Variants in ZNF658 observed in about 807,000 individuals in gnomAD.
ZNF658 encodes zinc finger protein 658.
Under a neutral mutation model 78.0 loss-of-function variants are expected in ZNF658, and 46 were observed. That is an observed-to-expected ratio of 0.59 (90% CI 0.47 to 0.75). The LOEUF (loss-of-function observed/expected upper bound fraction) is 0.75. Among genes scored for constraint, ZNF658 ranks in the 30% least tolerant of loss-of-function variants. The pLI is 0.00. For synonymous variants in ZNF658, 279 were observed against 408.4 expected (o/e 0.68, Z 3.82); for missense variants, 785 against 1,189.3 (o/e 0.66, Z 5.00).
At chr9:66,901,732 G>A (rs1233266034) in intron 1 of ZNF658, among the ~76,000 whole-genome samples, 1 of 151,868 alleles carries the variant, frequency 6.6e-6, no homozygotes, top group East Asian at 1.9e-4. Flanking sequence ...ATCACTTGAG[G>A]CCAGGAGTTC....
At chr9:66,907,206 G>T (rs1822099806) in intron 2 of ZNF658, among the ~76,000 whole-genome samples, 1 of 151,994 alleles carries the variant, frequency 6.6e-6, no homozygotes, top group Admixed American at 6.6e-5. Context: ...CACCTAAATT[G>T]CTAGTAACTC....
intron 1 of ZNF658, among the ~76,000 whole-genome samples, chr9:66,901,955 A>C (rs1821962213): frequency 6.6e-6 from 1 of 152,142 alleles, no homozygotes; most frequent in Non-Finnish European, 1.5e-5. Flanking sequence ...AAAGAAAAAA[A>C]AGTTTAGAAT....
intron 4 of ZNF658, among the ~76,000 whole-genome samples, chr9:66,913,131 T>C (rs1043880333): frequency 2.0e-5 from 3 of 150,006 alleles, no homozygotes; most frequent in African/African-American, 7.4e-5. Context: ...CCAGGGTTAA[T>C]GTAGAAGCCT....
chr9:66,911,375 T>C, intron 4 of ZNF658, among the ~76,000 whole-genome samples: 1 of 74,092 alleles, frequency 1.3e-5, no homozygotes, highest in Non-Finnish European at 2.6e-5. Flanking sequence ...TTTTAAACAA[T>C]ATACAAAAAA....
chr9:66,907,282 C>T (rs1272528343), intron 2 of ZNF658, among the ~76,000 whole-genome samples: 9 of 152,164 alleles, frequency 5.9e-5, no homozygotes, highest in East Asian at 1.9e-4. Context: ...CCTGGTTGAA[C>T]GAACAGTTCT....
At chr9:66,902,005 C>T (rs1446404846) in intron 1 of ZNF658, among the ~76,000 whole-genome samples, 1 of 152,142 alleles carries the variant, frequency 6.6e-6, no homozygotes, top group African/African-American at 2.4e-5. Flanking sequence ...CAGGCAAAGT[C>T]AGTTTTACTG....
chr9:66,903,088 T>A, intron 1 of ZNF658: 1 of 172,868 alleles, frequency 5.8e-6, no homozygotes, highest in Non-Finnish European at 1.3e-5. Flanking sequence ...GTACCTGAAC[T>A]TGCTTAATCC....
In ZNF658 at chr9:66,914,182, ACT is replaced by A. The variant is rs200519355; in HGVS notation, c.239-3622_239-3621del. On this transcript the variant is annotated intron_variant, in intron 4 of 4. Transcript: ENST00000621410. ...ACAAAATATCCCTACTGATTTATTT[ACT>A]GTTTCTTTGATTTCTTTCATCAATG... is the stretch of plus-strand genomic sequence containing the variant. Among the ~76,000 whole-genome samples the A allele has an allele frequency of 9.0e-3, 1,369 of 151,418 alleles. 29 individuals are homozygous for A. Among genetic ancestry groups the A allele is most frequent in the African/African-American group, 0.032 (1,308 of 40,954 alleles).
At chr9:66,907,895 C>T (rs1159287117) in intron 2 of ZNF658, among the ~76,000 whole-genome samples, 2 of 151,252 alleles carry the variant, frequency 1.3e-5, no homozygotes, top group East Asian at 1.9e-4. Context: ...TTCCTTAGCC[C>T]CCAGAATTTA....
intron 1 of ZNF658, 176 bp from the exon 2 acceptor site, chr9:66,903,342 C>A: frequency 1.8e-6 from 1 of 542,062 alleles, no homozygotes; most frequent in Non-Finnish European, 3.3e-6. Flanking sequence ...CAGCTGAGTG[C>A]GATGATTTTT....
rs572314371 is a variant in ZNF658 at position 66,909,113 on chromosome 9, C to G, written c.238+379C>G. ...TGCCATTTTGTATCAAGGACTTGGG[C>G]ATTTGTGGATTTTGGTATTTAAGAG... On this transcript the variant is annotated intron_variant, in intron 4 of 4. Transcript: ENST00000621410. Among the ~76,000 whole-genome samples the G allele has an allele frequency of 4.6e-5, 7 of 152,014 alleles. 1 individual carries two copies. The highest frequency in any genetic ancestry group is 3.3e-4 in the Admixed American group (5 of 15,286).
downstream of ZNF658, among the ~76,000 whole-genome samples, chr9:66,921,607 G>T (rs1164478013): frequency 3.3e-5 from 5 of 152,002 alleles, no homozygotes; most frequent in Non-Finnish European, 2.9e-5. Flanking sequence ...AGTTAAAAAT[G>T]GAATAATTTG....
chr9:66,918,759 A>T lies in ZNF658; in HGVS notation c.1193A>T (p.His398Leu), dbSNP rs1464351183. The change falls in exon 5 of 5, where the codon CAC (histidine) becomes CTC (leucine). Residue 398 changes from histidine to leucine, a missense_variant. Around this residue, in one of 12 missense-constraint regions of ZNF658, gnomAD observed 393 missense variants for 400.2 expected, o/e 0.98. Transcript: ENST00000621410. ...KCRKSFYRKA[H>L]LIQHQRPHSG... The stretch of plus-strand genomic sequence containing the variant: ...AGAAAATCCTTTTACCGGAAAGCAC[A>T]CCTCATTCAGCATCAGAGGCCCCAC... The T allele has an allele frequency of 6.2e-7, 1 of 1,613,822 alleles. No homozygotes were observed. The highest frequency in any genetic ancestry group is 8.5e-7 in the Non-Finnish European group (1 of 1,179,866).
intron 4 of ZNF658, among the ~76,000 whole-genome samples, chr9:66,914,901 A>G (rs1295992510): frequency 6.6e-6 from 1 of 152,132 alleles, no homozygotes; most frequent in Non-Finnish European, 1.5e-5. Flanking sequence ...TCTTGCTATG[A>G]GGATGAGGCA....
In ZNF658 at chr9:66,908,277, C is replaced by A. The variant is rs138196680; in HGVS notation, c.55C>A (p.Arg19=). 1.9e-6 allele frequency: 3 copies of A among 1,613,942 alleles called. No homozygotes were observed. The highest frequency in any genetic ancestry group is 3.3e-5 in the Admixed American group (2 of 59,994). The change falls in exon 3 of 5, where the codon CGG becomes AGG. Residue 19 remains arginine (R), a synonymous_variant. Coordinates refer to ENST00000621410, the MANE Select transcript of ZNF658 (RefSeq NM_033160.7). Reference sequence around the variant, plus strand: ...CCAGGACGTGACTGTGGAATTCACCCGGGAGGAGTGGCAGCACCTGGGCCC... The same window carrying A: ...CCAGGACGTGACTGTGGAATTCACCAGGGAGGAGTGGCAGCACCTGGGCCC... The part of the protein sequence containing the change: ...SFQDVTVEFT[R]EEWQHLGPVE...
chr9:66,914,480 T>C (rs1380925420), intron 4 of ZNF658, among the ~76,000 whole-genome samples: 2 of 151,880 alleles, frequency 1.3e-5, no homozygotes, highest in African/African-American at 4.8e-5. Flanking sequence ...GTCCTTCCAG[T>C]GCAATCTTGT....
At chr9:66,906,359 C>G (rs1389669585) in intron 2 of ZNF658, among the ~76,000 whole-genome samples, 1 of 148,670 alleles carries the variant, frequency 6.7e-6, no homozygotes, top group East Asian at 2.0e-4. Context: ...ATGTAGGTGA[C>G]CTAGAGTCTC....
In ZNF658 at chr9:66,920,322, T is replaced by C; in HGVS notation, c.2756T>C (p.Phe919Ser). 2 of 1,613,758 alleles carry C rather than the reference T, an allele frequency of 1.2e-6. No individual in the cohort carries two copies. Among genetic ancestry groups the C allele is most frequent in the Non-Finnish European group, 1.7e-6 (2 of 1,179,920 alleles). Residue 919 changes from phenylalanine (F) to serine (S), a missense_variant, in exon 5 of 5, where the codon TTC becomes TCC. Phe to Ser is a radical substitution (Grantham distance 155). This residue lies in a region of ZNF658 where 85 missense variants were observed against 108.6 expected (regional missense o/e 0.78). Transcript: ENST00000621410. ...PYECSECGKT[F>S]SEKSYVSAHQ... Reference sequence around the variant, plus strand: ...GAATGCAGTGAATGTGGGAAAACCTTCTCTGAGAAGTCATATGTTAGTGCA... The same window carrying C: ...GAATGCAGTGAATGTGGGAAAACCTCCTCTGAGAAGTCATATGTTAGTGCA...
intron 2 of ZNF658, 96 bp downstream of exon 2, chr9:66,903,672 G>A: frequency 2.4e-6 from 2 of 837,722 alleles, no homozygotes; most frequent in Non-Finnish European, 4.2e-6. Flanking sequence ...AATAGAGATG[G>A]ATCAGACACA....
Sources: allele counts gnomAD v4.1 joint callset (sites outside exome capture counted in the v4.1 genomes callset), GRCh38; gene constraint gnomAD v4.1.1; regional missense constraint gnomAD v4.1.1; transcripts MANE v1.5; gene names NCBI Gene and HGNC (gene_info 2026-07-23, HGNC 2026-07-21).